KIF26B: variants seen among roughly 807,000 people sequenced by gnomAD.
The protein encoded by KIF26B is kinesin-like protein KIF26B.
In KIF26B, 63 loss-of-function variants were observed where a neutral mutation model predicts 151.2. The ratio of observed to expected loss-of-function variants is 0.42; its 90% CI spans 0.34 to 0.51. KIF26B has a LOEUF of 0.51. KIF26B is among the 20% of genes least tolerant of loss of function. KIF26B has a pLI of 0.07. For missense variants in KIF26B, 2,813 were observed against 2,913.6 expected (o/e 0.97, Z 0.79); for synonymous variants, 1,357 against 1,262.1 (o/e 1.08, Z -1.59).
chr1:245,430,754 T>C (rs1658758143), intron 4 of KIF26B, among the ~76,000 whole-genome samples: 1 of 152,174 alleles, frequency 6.6e-6, no homozygotes, highest in African/African-American at 2.4e-5. Context: ...ACACATTTAA[T>C]CTTCAGAAGC....
At position 245,412,753 on chromosome 1, in the gene KIF26B, T is replaced by C. The variant is rs142603177; in HGVS notation, c.1000-6826T>C. Among the ~76,000 whole-genome samples the C allele has an allele frequency of 1.4e-3, 206 of 152,302 alleles. 2 individuals are homozygous for C. The highest frequency in any genetic ancestry group is 4.8e-3 in the African/African-American group (201 of 41,574). ...TATCAGTGTAGACATTTAAATGTGG[T>C]TGAAAGACGTGAATTAAAAGTTAAA... On this transcript the variant is annotated intron_variant, in intron 3 of 14. Coordinates refer to ENST00000407071, the MANE Select transcript of KIF26B (RefSeq NM_018012.4).
chr1:245,298,502 G>A (rs1671374850), intron 2 of KIF26B, among the ~76,000 whole-genome samples: 1 of 152,166 alleles, frequency 6.6e-6, no homozygotes. Context: ...CTAGAGGGAG[G>A]GAGAATGGGT....
chr1:245,280,456 G>T (rs1307486278), intron 2 of KIF26B, among the ~76,000 whole-genome samples: 3 of 145,650 alleles, frequency 2.1e-5, no homozygotes, highest in African/African-American at 5.2e-5. Flanking sequence ...GCGTGAACCT[G>T]GGAGACAGAG....
At chr1:245,409,415 A>C (rs906231529) in intron 3 of KIF26B, among the ~76,000 whole-genome samples, 4 of 152,174 alleles carry the variant, frequency 2.6e-5, no homozygotes, top group African/African-American at 9.7e-5. Flanking sequence ...GAGGGGCCAG[A>C]TCTGAGCCCC....
At chr1:245,425,692 A>G (rs1215646161) in intron 4 of KIF26B, among the ~76,000 whole-genome samples, 3 of 152,240 alleles carry the variant, frequency 2.0e-5, no homozygotes, top group South Asian at 2.1e-4. Context: ...GGCGTGAGCC[A>G]TGGCGCCCAG....
At position 245,702,410 on chromosome 1, in the gene KIF26B, C is replaced by T. The variant is rs753235652; in HGVS notation, c.6179-48C>T. On this transcript the variant is annotated intron_variant, in intron 14 of 14. Coordinates refer to ENST00000407071, the MANE Select transcript of KIF26B (RefSeq NM_018012.4). This position sits in a 1 kb window ranked among gnomAD's most constrained non-coding sequence, Gnocchi z 4.1. ...CAGGCTGAGCCGTCGGGAGTTGCTT[C>T]TCACCCTGTTTGCTCTGCGTCTCCA... The T allele has an allele frequency of 1.2e-6, 2 of 1,608,920 alleles. No homozygotes were observed. The highest frequency in any genetic ancestry group is 2.2e-5 in the South Asian group (2 of 90,630).
At chr1:245,419,467 G>T (rs1349085530) in intron 3 of KIF26B, 112 bp from the exon 4 acceptor site, 2 of 935,396 alleles carry the variant, frequency 2.1e-6, no homozygotes, top group African/African-American at 1.7e-5. Flanking sequence ...ATGCAGGTGG[G>T]ATAGAAACCT....
chr1:245,399,390 T>A (rs1673938735), intron 3 of KIF26B, among the ~76,000 whole-genome samples: 1 of 152,216 alleles, frequency 6.6e-6, no homozygotes, highest in Admixed American at 6.5e-5. Flanking sequence ...AAATTTTGGA[T>A]GTACATTATG....
At chr1:245,497,527 T>C (rs1387802668) in intron 4 of KIF26B, among the ~76,000 whole-genome samples, 1 of 152,192 alleles carries the variant, frequency 6.6e-6, no homozygotes, top group Non-Finnish European at 1.5e-5. Flanking sequence ...TTAAGCATTC[T>C]ACTTGTAAAT....
rs1572114451 is a variant in KIF26B, at chr1:245,540,784, A to G, written c.1184A>G (p.Asn395Ser). Residue 395 changes from asparagine (N) to serine (S), a missense_variant, in exon 5 of 15, where the codon AAT becomes AGT. Asn to Ser is a conservative substitution (Grantham distance 46, BLOSUM62 1). Around this residue, in one of 3 missense-constraint regions of KIF26B, gnomAD observed 676 missense variants for 688.1 expected, o/e 0.98. Transcript: ENST00000407071. The surrounding 1 kb of genome is among the most constrained non-coding windows in gnomAD (Gnocchi z 4.6). ...CACTCCAGAGCTGCCCAGAAGTTAA[A>G]TCTGTCTTCTAAAAAGAAGAAACAT... ...SFFARAAQKL[N>S]LSSKKKKHRP... 1.1e-5 allele frequency: 18 copies of G among 1,613,880 alleles called. No individual in the cohort carries two copies. In the East Asian group the frequency reaches 3.8e-4, roughly 34 times the overall value.
At position 245,564,115 on chromosome 1, in the gene KIF26B, T is replaced by A. The variant is rs1247614190; in HGVS notation, c.1350+23165T>A. ...GTCAGGCTCCCACCGTCCCTTCCTATCCCAAAATGTCACCTCCCCTGTGTT... is the reference window on the plus strand; with the variant it reads ...GTCAGGCTCCCACCGTCCCTTCCTAACCCAAAATGTCACCTCCCCTGTGTT... On this transcript the variant is annotated intron_variant, in intron 5 of 14. Transcript: ENST00000407071. The surrounding 1 kb of genome is among the most constrained non-coding windows in gnomAD (Gnocchi z 4.6). 6.6e-6 allele frequency among the ~76,000 whole-genome samples: 1 copy of A among 152,104 alleles called. No individual in the cohort carries two copies. The highest frequency in any genetic ancestry group is 1.5e-5 in the Non-Finnish European group (1 of 68,020).
intron 4 of KIF26B, among the ~76,000 whole-genome samples, chr1:245,524,184 G>C (rs1661188596): frequency 6.6e-6 from 1 of 152,212 alleles, no homozygotes; most frequent in Non-Finnish European, 1.5e-5. Flanking sequence ...TCACAAAGGA[G>C]TAAAAGATAG....
intron 3 of KIF26B, among the ~76,000 whole-genome samples, chr1:245,409,603 T>A (rs1558154658): frequency 6.6e-6 from 1 of 152,188 alleles, no homozygotes; most frequent in Non-Finnish European, 1.5e-5. Context: ...TCAAATGCTG[T>A]GGATGGATAA....
At chr1:245,211,258 C>G (rs1190320506) in intron 2 of KIF26B, among the ~76,000 whole-genome samples, 1 of 152,144 alleles carries the variant, frequency 6.6e-6, no homozygotes, top group Non-Finnish European at 1.5e-5. Flanking sequence ...CTGAGGCTCT[C>G]CCAGTTAGTC....
intron 2 of KIF26B, among the ~76,000 whole-genome samples, chr1:245,300,024 A>T (rs1174227086): frequency 6.6e-6 from 1 of 152,218 alleles, no homozygotes; most frequent in Non-Finnish European, 1.5e-5. Context: ...CAGACATTGC[A>T]AAATGTCCTT....
intron 2 of KIF26B, among the ~76,000 whole-genome samples, chr1:245,347,093 A>G (rs1459937188): frequency 6.6e-6 from 1 of 152,192 alleles, no homozygotes; most frequent in Non-Finnish European, 1.5e-5. Flanking sequence ...AACAGAACAC[A>G]GCCGTGGTGA....
At chr1:245,184,911 G>T (rs1230918745) in intron 2 of KIF26B, among the ~76,000 whole-genome samples, 2 of 152,168 alleles carry the variant, frequency 1.3e-5, no homozygotes, top group Non-Finnish European at 2.9e-5. Context: ...CGTCTTGCTT[G>T]CACTGCAGAA....
chr1:245,183,664 T>C (rs920274393), intron 2 of KIF26B, among the ~76,000 whole-genome samples: 1 of 152,180 alleles, frequency 6.6e-6, no homozygotes, highest in Non-Finnish European at 1.5e-5. Flanking sequence ...GAGTTGGAGA[T>C]CCTGACAGAA....
At chr1:245,616,237 G>T (rs2043589280) in intron 9 of KIF26B, among the ~76,000 whole-genome samples, 1 of 152,236 alleles carries the variant, frequency 6.6e-6, no homozygotes, top group South Asian at 2.1e-4. Context: ...ACTAGGTTAA[G>T]CTTAAAATAT....
Sources: allele counts gnomAD v4.1 joint callset (sites outside exome capture counted in the v4.1 genomes callset), GRCh38; gene constraint gnomAD v4.1.1; regional missense constraint gnomAD v4.1.1; non-coding constraint Gnocchi (gnomAD v3.1); transcripts MANE v1.5; gene names NCBI Gene and HGNC (gene_info 2026-07-23, HGNC 2026-07-21).